CCDC85A: variants seen among roughly 807,000 people sequenced by gnomAD.
The protein encoded by CCDC85A is coiled-coil domain containing 85A.
CCDC85A carries 38 observed loss-of-function variants against 50.2 expected under a neutral mutation model. The observed-to-expected ratio is 0.76, with a 90% confidence interval of 0.58 to 0.99. The LOEUF is 0.99. Among genes scored for constraint, CCDC85A ranks in the 50% least tolerant of loss-of-function variants. The probability of loss-of-function intolerance (pLI) is 0.00; values close to 1 mark genes in which losing one functional copy is unlikely to be tolerated. For synonymous variants in CCDC85A, 366 were observed against 301.4 expected, an observed-to-expected ratio of 1.21 and a Z score of -2.22; for missense variants, 820 against 742.0, an observed-to-expected ratio of 1.11 and a Z score of -1.22.
At chr2:56,316,081 T>C (rs759443055) in intron 2 of CCDC85A, among the ~76,000 whole-genome samples, 3 of 152,086 alleles carry the variant, frequency 2.0e-5, no homozygotes, top group Admixed American at 6.6e-5. Flanking sequence ...GCAAGGAACA[T>C]AGTGTCAAGG....
In CCDC85A at chr2:56,386,107, C is replaced by T. The variant is rs1010182992; in HGVS notation, c.*1752C>T. The T allele has an allele frequency of 6.6e-6, 1 of 152,070 alleles. No individual in the cohort carries two copies. The highest frequency in any genetic ancestry group is 2.4e-5 in the African/African-American group (1 of 41,376). The allele number at this position is 152,070 out of a possible 1,614,324, so 9.4% of individuals were successfully genotyped here. A position where few individuals can be genotyped will look rare whatever the true frequency, so the allele number is the denominator to read the frequency against. On this transcript the variant is annotated 3_prime_UTR_variant, in exon 6 of 6. Transcript: ENST00000407595. ...GTATTAAAACTATTTTTTTAAAGTT[C>T]TGCATAAAATTGAGTATTAAGTATA...
intron 2 of CCDC85A, among the ~76,000 whole-genome samples, chr2:56,196,507 C>G (rs1676524557): frequency 6.6e-6 from 1 of 152,128 alleles, no homozygotes; most frequent in African/African-American, 2.4e-5. Context: ...CATTGACATC[C>G]AAGGTTGAAT....
chr2:56,215,090 A>G (rs1270942713), intron 2 of CCDC85A, among the ~76,000 whole-genome samples: 4 of 151,886 alleles, frequency 2.6e-5, no homozygotes, highest in African/African-American at 9.7e-5. Flanking sequence ...GACCAATTTT[A>G]TTGGGTTTAT....
intron 2 of CCDC85A, among the ~76,000 whole-genome samples, chr2:56,261,773 AC>A (rs1288599221): frequency 6.6e-6 from 1 of 152,118 alleles, no homozygotes; most frequent in African/African-American, 2.4e-5. Flanking sequence ...GCGAGAACTG[AC>A]CTGTAGGCTG....
chr2:56,360,845 T>G (rs1439806727), intron 3 of CCDC85A, among the ~76,000 whole-genome samples: 1 of 152,216 alleles, frequency 6.6e-6, no homozygotes, highest in Non-Finnish European at 1.5e-5. Flanking sequence ...CCTCACTATT[T>G]GGAATGAGAA....
intron 2 of CCDC85A, among the ~76,000 whole-genome samples, chr2:56,260,453 A>G (rs1272672145): frequency 1.3e-5 from 2 of 152,208 alleles, no homozygotes; most frequent in Admixed American, 1.3e-4. Context: ...ACTTTAGTGG[A>G]GCAAATTTAT....
chr2:56,317,231 G>C (rs1249474925), intron 2 of CCDC85A, among the ~76,000 whole-genome samples: 3 of 152,020 alleles, frequency 2.0e-5, no homozygotes, highest in African/African-American at 7.2e-5. Context: ...AAAATATGTA[G>C]TTACTCTGAT....
At chr2:56,199,025 A>G (rs1410344117) in intron 2 of CCDC85A, among the ~76,000 whole-genome samples, 2 of 152,230 alleles carry the variant, frequency 1.3e-5, no homozygotes, top group Admixed American at 6.5e-5. Context: ...AAATGTTTAT[A>G]TCTTCTGGCT....
intron 2 of CCDC85A, among the ~76,000 whole-genome samples, chr2:56,291,788 T>G (rs1229647837): frequency 6.6e-6 from 1 of 151,476 alleles, no homozygotes; most frequent in African/African-American, 2.4e-5. Flanking sequence ...TTTTTTTTTT[T>G]TTTTAGACTT....
At chr2:56,354,633 C>CAAAA (rs1403500510) in intron 3 of CCDC85A, among the ~76,000 whole-genome samples, 1 of 152,124 alleles carries the variant, frequency 6.6e-6, no homozygotes, top group Non-Finnish European at 1.5e-5. Flanking sequence ...TGTACATGAT[C>CAAAA]TTTTAGGTTG....
rs1270288078 is a variant in CCDC85A at position 56,351,538 on chromosome 2, G to A, written c.1317+8583G>A. Among the ~76,000 whole-genome samples the A allele has an allele frequency of 9.3e-5, 13 of 139,594 alleles. 1 individual carries two copies. The highest frequency in any genetic ancestry group is 2.0e-4 in the African/African-American group (7 of 35,078). 91.6% of individuals were successfully genotyped at this position (139,594 alleles called of 152,430 possible). A position where few individuals can be genotyped will look rare whatever the true frequency, so the allele number is the denominator to read the frequency against. Reference sequence around the variant, plus strand: ...GTTGTCTCCTGACTTTTTAATGATCGCCATTCTAACTGGTGTGAGATGGTA... The same window carrying A: ...GTTGTCTCCTGACTTTTTAATGATCACCATTCTAACTGGTGTGAGATGGTA... On this transcript the variant is annotated intron_variant, in intron 3 of 5. Coordinates refer to ENST00000407595, the MANE Select transcript of CCDC85A (RefSeq NM_001080433.2).
At chr2:56,328,086 A>G (rs1016887045) in intron 2 of CCDC85A, among the ~76,000 whole-genome samples, 2 of 152,122 alleles carry the variant, frequency 1.3e-5, no homozygotes, top group African/African-American at 4.8e-5. Flanking sequence ...GAATCCAGGA[A>G]GTCTAACAGA....
Position 56,184,790 on chromosome 2 carries a change from C to G in CCDC85A, c.166C>G (p.Leu56Val), listed in dbSNP as rs940082047. The G allele has an allele frequency of 4.5e-6, 7 of 1,546,444 alleles. No homozygotes were observed. Among genetic ancestry groups the G allele is most frequent in the Non-Finnish European group, 6.1e-6 (7 of 1,146,056 alleles). ...QWSKEELIRS[L>V]RRAEAEKVSA... Reference sequence around the variant, plus strand: ...GAGCAAGGAGGAGCTGATCCGCAGCCTGCGGCGCGCCGAGGCGGAGAAGGT... The same window carrying G: ...GAGCAAGGAGGAGCTGATCCGCAGCGTGCGGCGCGCCGAGGCGGAGAAGGT... Residue 56 changes from leucine to valine, a missense_variant, in exon 1 of 6, where the codon CTG (leucine) becomes GTG (valine). Leu to Val is a conservative substitution (Grantham distance 32). Transcript: ENST00000407595.
At chr2:56,284,572 C>G (rs564291703) in intron 2 of CCDC85A, among the ~76,000 whole-genome samples, 2 of 152,228 alleles carry the variant, frequency 1.3e-5, no homozygotes, top group South Asian at 4.2e-4. Flanking sequence ...GGAGTTTCAC[C>G]ATGTTGGCCA....
intron 2 of CCDC85A, among the ~76,000 whole-genome samples, chr2:56,327,152 A>G (rs1017940439): frequency 2.0e-5 from 3 of 152,224 alleles, no homozygotes; most frequent in Non-Finnish European, 4.4e-5. Flanking sequence ...GCAACGTAAT[A>G]TACATATGCC....
intron 2 of CCDC85A, among the ~76,000 whole-genome samples, chr2:56,293,562 C>T (rs1420637713): frequency 5.3e-5 from 8 of 151,720 alleles, no homozygotes; most frequent in Admixed American, 2.0e-4. Context: ...TGGGAGAAAA[C>T]GTCTGACAAA....
At chr2:56,282,914 TAA>T (rs1175962119) in intron 2 of CCDC85A, among the ~76,000 whole-genome samples, 1 of 152,236 alleles carries the variant, frequency 6.6e-6, no homozygotes, top group Non-Finnish European at 1.5e-5. Context: ...CCTAATGACT[TAA>T]TTTTTATAGT....
At chr2:56,278,290 G>C (rs1325992337) in intron 2 of CCDC85A, among the ~76,000 whole-genome samples, 1 of 151,284 alleles carries the variant, frequency 6.6e-6, no homozygotes, top group East Asian at 1.9e-4. Context: ...TTTCTTTTAA[G>C]TCTGAATGGG....
In CCDC85A at chr2:56,184,892, G is replaced by A. The variant is rs757348777; in HGVS notation, c.268G>A (p.Gly90Ser). ...RLQLHLGEIR[G>S]LKDINQKLQE... Reference sequence around the variant, plus strand: ...GCAGCTGCACCTCGGCGAGATCCGCGGCCTCAAGGTGAGCGCGGGCCAGGT... The same window carrying A: ...GCAGCTGCACCTCGGCGAGATCCGCAGCCTCAAGGTGAGCGCGGGCCAGGT... Residue 90 changes from glycine (G) to serine (S), a missense_variant, in exon 1 of 6, where the codon GGC (glycine) becomes AGC (serine). By Grantham distance (56) the Gly-to-Ser change is moderately conservative. Coordinates refer to ENST00000407595, the MANE Select transcript of CCDC85A (RefSeq NM_001080433.2). The A allele has an allele frequency of 1.3e-6, 2 of 1,515,536 alleles. No homozygotes were observed. Among genetic ancestry groups the A allele is most frequent in the South Asian group, 1.2e-5 (1 of 80,748 alleles). The allele number at this position is 1,515,536 out of a possible 1,614,324, so 93.9% of individuals were successfully genotyped here.
Sources: allele counts gnomAD v4.1 joint callset (sites outside exome capture counted in the v4.1 genomes callset), GRCh38; gene constraint gnomAD v4.1.1; transcripts MANE v1.5; gene names NCBI Gene and HGNC (gene_info 2026-07-23, HGNC 2026-07-21).